Variants in SLC24A4 observed in about 807,000 individuals in gnomAD.
The protein encoded by SLC24A4 is solute carrier family 24 member 4.
Under a neutral mutation model 79.0 loss-of-function variants are expected in SLC24A4, and 53 were observed. The observed-to-expected ratio is 0.67, with a 90% CI of 0.54 to 0.84. The LOEUF is 0.84. Ranked by LOEUF, SLC24A4 falls within the 40% of genes least tolerant of loss-of-function variation. The pLI is 0.00. For synonymous variants in SLC24A4, 323 were observed against 323.8 expected (o/e 1.00, Z 0.03); for missense variants, 731 against 822.0 (o/e 0.89, Z 1.35).
intron 12 of SLC24A4, among the ~76,000 whole-genome samples, chr14:92,464,750 G>A (rs1163567209): frequency 3.3e-5 from 5 of 152,176 alleles, no homozygotes; most frequent in Admixed American, 3.3e-4. Flanking sequence ...CTGGAATATG[G>A]GGGCTGCCGA....
At position 92,342,797 on chromosome 14, in the gene SLC24A4, G is replaced by A. The variant is rs546798672; in HGVS notation, c.241+16819G>A. Among the ~76,000 whole-genome samples, 319 of 152,364 alleles carry A rather than the reference G, an allele frequency of 2.1e-3. 1 individual carries two copies. Among genetic ancestry groups the A allele is most frequent in the Non-Finnish European group, 3.9e-3 (268 of 68,040 alleles). On this transcript the variant is annotated intron_variant, in intron 2 of 16. Coordinates refer to ENST00000532405, the MANE Select transcript of SLC24A4 (RefSeq NM_153646.4). The stretch of plus-strand genomic sequence containing the variant: ...CCCTTGGACTCCACCTGCTATGCAG[G>A]CAGAGGATAAAGGCTGCTCCTCCCA...
intron 2 of SLC24A4, among the ~76,000 whole-genome samples, chr14:92,343,050 G>A (rs75713940): frequency 0.016 from 2,507 of 152,272 alleles, 29 homozygotes; most frequent in East Asian, 0.043. Context: ...ACATCCCTGC[G>A]CAGCTTGCAC....
chr14:92,488,232 C>G (rs1326850260), intron 14 of SLC24A4, among the ~76,000 whole-genome samples: 1 of 152,008 alleles, frequency 6.6e-6, no homozygotes, highest in East Asian at 1.9e-4. Context: ...CCACCACACC[C>G]AGCTAATTTT....
intron 2 of SLC24A4, among the ~76,000 whole-genome samples, chr14:92,341,460 G>A (rs866692279): frequency 3.3e-5 from 5 of 152,176 alleles, no homozygotes; most frequent in East Asian, 1.9e-4. Context: ...CGATAAAGGC[G>A]ATTAATGGAG....
At chr14:92,354,713 C>T (rs1468282606) in intron 2 of SLC24A4, among the ~76,000 whole-genome samples, 1 of 152,102 alleles carries the variant, frequency 6.6e-6, no homozygotes, top group African/African-American at 2.4e-5. Flanking sequence ...GCACTTCTAA[C>T]AAGCTCCCAG....
intron 2 of SLC24A4, among the ~76,000 whole-genome samples, chr14:92,430,624 G>A (rs761677955): frequency 1.3e-5 from 2 of 152,202 alleles, no homozygotes; most frequent in Non-Finnish European, 2.9e-5. Flanking sequence ...ACACCTGGGT[G>A]TGTCCAGGAC....
At chr14:92,483,606 G>A (rs1335654660) in intron 13 of SLC24A4, 1 of 555,892 alleles carries the variant, frequency 1.8e-6, no homozygotes, top group Non-Finnish European at 3.0e-6. Context: ...GGCCATACAG[G>A]ACAAGTCCCC....
intron 2 of SLC24A4, among the ~76,000 whole-genome samples, chr14:92,410,225 A>G (rs1451777539): frequency 1.3e-5 from 2 of 152,208 alleles, no homozygotes; most frequent in Admixed American, 6.5e-5. Context: ...TCTGTCACCC[A>G]GGCTGGAGTG....
chr14:92,366,713 A>G (rs934135461), intron 2 of SLC24A4, among the ~76,000 whole-genome samples: 1 of 152,228 alleles, frequency 6.6e-6, no homozygotes, highest in Non-Finnish European at 1.5e-5. Flanking sequence ...ATCCACACCG[A>G]TATGGCCTAA....
intron 2 of SLC24A4, among the ~76,000 whole-genome samples, chr14:92,343,304 T>C (rs949350457): frequency 6.6e-6 from 1 of 152,234 alleles, no homozygotes; most frequent in South Asian, 2.1e-4. Flanking sequence ...GCCTTTTGGA[T>C]GTAACCTGTG....
rs1017821944 is a variant in SLC24A4, at chr14:92,495,920, C to T, written c.*2292C>T. 1.3e-5 allele frequency: 2 copies of T among 152,204 alleles called. No individual in the cohort carries two copies. The highest frequency in any genetic ancestry group is 1.3e-4 in the Admixed American group (2 of 15,284). The allele number at this position is 152,204 out of a possible 1,614,324, so 9.4% of individuals were successfully genotyped here. ...TCCTAATATCTGTCCCTATCCAATGCCTCTATTTTATCTTGAAAAAAGGAC... is the reference window on the plus strand; with the variant it reads ...TCCTAATATCTGTCCCTATCCAATGTCTCTATTTTATCTTGAAAAAAGGAC... On this transcript the variant is annotated 3_prime_UTR_variant, in exon 17 of 17. Transcript: ENST00000532405.
chr14:92,342,277 A>T (rs1056351855), intron 2 of SLC24A4, among the ~76,000 whole-genome samples: 32 of 146,024 alleles, frequency 2.2e-4, no homozygotes, highest in Non-Finnish European at 4.2e-4. Flanking sequence ...GGACCTAGTT[A>T]AAATGCAGAT....
At chr14:92,362,068 G>C (rs934872093) in intron 2 of SLC24A4, among the ~76,000 whole-genome samples, 16 of 152,194 alleles carry the variant, frequency 1.1e-4, no homozygotes, top group African/African-American at 3.9e-4. Flanking sequence ...AGGGAGGTCA[G>C]AATAGGTGCG....
At position 92,447,387 on chromosome 14, in the gene SLC24A4, CTCA is replaced by C; in HGVS notation, c.706_708del (p.Ile236del). On this transcript the variant is annotated inframe_deletion, in exon 9 of 17. Transcript: ENST00000532405. ...CTCTTTGAGGTGGGAAGGCCTGGTG[CTCA>C]TCATCTTGTATGTGTTTTATATTCT... 2 of 1,614,154 alleles carry C rather than the reference CTCA, an allele frequency of 1.2e-6. No homozygotes were observed. Among genetic ancestry groups the C allele is most frequent in the African/African-American group, 1.3e-5 (1 of 75,058 alleles).
intron 7 of SLC24A4, 23 bp downstream of exon 7, chr14:92,443,497 A>G: frequency 1.2e-6 from 2 of 1,613,644 alleles, no homozygotes; most frequent in Non-Finnish European, 1.7e-6. Flanking sequence ...TCTGCCCCCA[A>G]GGTCAGGTTG....
intron 12 of SLC24A4, chr14:92,462,147 C>T (rs1431879211): frequency 6.6e-6 from 1 of 152,224 alleles, no homozygotes; most frequent in African/African-American, 2.4e-5. Flanking sequence ...GCTGTGAATA[C>T]CCTCAAGATC....
intron 8 of SLC24A4, 80 bp downstream of exon 8, chr14:92,445,422 G>A (rs987373836): frequency 1.5e-5 from 22 of 1,431,264 alleles, no homozygotes; most frequent in East Asian, 4.6e-5. Flanking sequence ...TCCCTGAATC[G>A]TTTTAAAAAT....
chr14:92,325,365 C>A (rs1885066316), intron 1 of SLC24A4, among the ~76,000 whole-genome samples: 1 of 152,208 alleles, frequency 6.6e-6, no homozygotes, highest in South Asian at 2.1e-4. Context: ...AGTGCAGAAT[C>A]CCAGGTCCCA....
intron 2 of SLC24A4, among the ~76,000 whole-genome samples, chr14:92,392,564 G>T (rs866592629): frequency 1.3e-5 from 2 of 151,532 alleles, no homozygotes; most frequent in Admixed American, 1.3e-4. Flanking sequence ...GCGGCCAGTC[G>T]ATTGCTATGC....
Sources: gnomAD v4.1 joint callset for allele counts (sites outside exome capture counted in the v4.1 genomes callset) on GRCh38, gnomAD v4.1.1 for gene constraint, MANE v1.5 for transcripts, NCBI Gene and HGNC (gene_info 2026-07-23, HGNC 2026-07-21) for gene names.